Variants in RTL4 observed in about 807,000 individuals in gnomAD.
RTL4 encodes the protein retrotransposon Gag-like protein 4.
Under a neutral mutation model 5.3 loss-of-function variants are expected in RTL4, and 4 were observed. The ratio of observed to expected loss-of-function variants is 0.75; its 90% CI spans 0.37 to 1.72. The LOEUF (loss-of-function observed/expected upper bound fraction) is 1.72. RTL4 is among the 40% of genes most tolerant of loss of function. RTL4 has a pLI of 0.04. For synonymous variants in RTL4, 98 were observed against 87.3 expected, an observed-to-expected ratio of 1.12 and a Z score of -0.68; for missense variants, 260 against 227.1, an observed-to-expected ratio of 1.14 and a Z score of -0.93.
At chrX:112,373,451 G>A in the RTL4 span, among the ~76,000 whole-genome samples, 1 of 110,910 alleles carries the variant, frequency 9.0e-6, no homozygotes, top group Non-Finnish European at 1.9e-5. Context: ...TTTCTTTTGA[G>A]TGTTCATCTT....
At chrX:112,250,909 T>G in the RTL4 span, among the ~76,000 whole-genome samples, 2 of 112,089 alleles carry the variant, frequency 1.8e-5, no homozygotes, top group Admixed American at 1.9e-4. Context: ...TGTCCATATA[T>G]ATTAAAAACA....
the RTL4 span, among the ~76,000 whole-genome samples, chrX:112,354,752 G>A: frequency 9.0e-6 from 1 of 110,795 alleles, no homozygotes; most frequent in Admixed American, 9.7e-5. Context: ...GTGACAGAAG[G>A]AAAGTGAGAT....
chrX:112,235,139 A>G, the RTL4 span, among the ~76,000 whole-genome samples: 2 of 112,113 alleles, frequency 1.8e-5, no homozygotes, highest in Non-Finnish European at 3.8e-5. Flanking sequence ...CACAGATGGT[A>G]TCAAACTCAA....
At chrX:112,141,447 C>A in the RTL4 span, among the ~76,000 whole-genome samples, 1 of 111,660 alleles carries the variant, frequency 9.0e-6, no homozygotes, top group Admixed American at 9.5e-5. Context: ...TATCCTCTGG[C>A]ACAATGTTTC....
At chrX:112,289,817 C>T in the RTL4 span, among the ~76,000 whole-genome samples, 1 of 110,810 alleles carries the variant, frequency 9.0e-6, no homozygotes, top group African/African-American at 3.3e-5. Flanking sequence ...CATACATACA[C>T]ATAGTCTTTT....
the RTL4 span, among the ~76,000 whole-genome samples, chrX:112,378,891 G>GT: frequency 8.9e-6 from 1 of 112,427 alleles, no homozygotes; most frequent in Non-Finnish European, 1.9e-5. Context: ...ACCAGCCAGT[G>GT]TTTAGGTGGC....
the RTL4 span, among the ~76,000 whole-genome samples, chrX:112,146,523 CAGTT>C: frequency 1.8e-5 from 2 of 110,807 alleles, no homozygotes; most frequent in African/African-American, 6.6e-5. Context: ...GTGAGTTAGA[CAGTT>C]AGCATAGAAG....
At chrX:112,432,238 A>G in the RTL4 span, among the ~76,000 whole-genome samples, 1 of 101,005 alleles carries the variant, frequency 9.9e-6, no homozygotes, top group South Asian at 4.6e-4. Context: ...TCCTTTGGGT[A>G]TATACCCAGT....
the RTL4 span, among the ~76,000 whole-genome samples, chrX:112,351,887 T>C: frequency 2.7e-5 from 3 of 111,646 alleles, no homozygotes; most frequent in African/African-American, 9.8e-5. Context: ...AATATTGTTA[T>C]GTGTGAATTT....
chrX:112,454,619 T>C, exon 1 of RTL4: 1 of 727,047 alleles, frequency 1.4e-6, no homozygotes, highest in Non-Finnish European at 2.0e-6. Flanking sequence ...CAGCTTTGGC[T>C]ACTTGCTCAT....
the RTL4 span, among the ~76,000 whole-genome samples, chrX:112,223,648 T>C: frequency 3.7e-3 from 408 of 111,758 alleles, 5 homozygotes; most frequent in African/African-American, 0.013. Flanking sequence ...CCAATTATTA[T>C]ACTCATAGGA....
the RTL4 span, among the ~76,000 whole-genome samples, chrX:112,417,165 C>T: frequency 4.5e-5 from 5 of 111,454 alleles, no homozygotes; most frequent in Non-Finnish European, 9.4e-5. Context: ...TAGGTGCAGT[C>T]GCTCTTGAAA....
At chrX:112,376,135 A>C in the RTL4 span, among the ~76,000 whole-genome samples, 1 of 111,329 alleles carries the variant, frequency 9.0e-6, no homozygotes, top group Admixed American at 9.6e-5. Flanking sequence ...TAAACATTTT[A>C]CAATGCATAG....
At chrX:112,382,053 G>T in the RTL4 span, 1 of 1,210,066 alleles carries the variant, frequency 8.3e-7, no homozygotes, top group Middle Eastern at 2.3e-4. Context: ...GCTACTCAAA[G>T]CCACTTAGAA....
the RTL4 span, among the ~76,000 whole-genome samples, chrX:112,432,824 G>A: frequency 2.7e-5 from 3 of 111,025 alleles, no homozygotes; most frequent in Non-Finnish European, 5.7e-5. Flanking sequence ...TGGCCTGAAT[G>A]ATATTGCCTA....
At chrX:112,393,633 G>A in the RTL4 span, among the ~76,000 whole-genome samples, 1 of 111,881 alleles carries the variant, frequency 8.9e-6, no homozygotes. Flanking sequence ...AATCGCTTCA[G>A]CCCTGGTTGG....
chrX:112,259,185 A>G, the RTL4 span, among the ~76,000 whole-genome samples: 36 of 111,721 alleles, frequency 3.2e-4, no homozygotes, highest in Non-Finnish European at 9.4e-5. Context: ...AAATTAATAC[A>G]CTAAATTTTA....
chrX:112,449,753 T>C (rs753760139), upstream of RTL4, among the ~76,000 whole-genome samples: 15 of 112,178 alleles, frequency 1.3e-4, no homozygotes, highest in Admixed American at 2.8e-4. Context: ...GGAGGGATGA[T>C]TGATAGTCAA....
chrX:112,259,673 A>G, the RTL4 span, among the ~76,000 whole-genome samples: 1 of 110,936 alleles, frequency 9.0e-6, no homozygotes, highest in Non-Finnish European at 1.9e-5. Context: ...TCCTTGTTGG[A>G]AGATAAGACA....
Sources: allele counts gnomAD v4.1 joint callset (sites outside exome capture counted in the v4.1 genomes callset), GRCh38; gene constraint gnomAD v4.1.1; transcripts MANE v1.5; gene names NCBI Gene and HGNC (gene_info 2026-07-23, HGNC 2026-07-21).